UGT1A6: variants seen among roughly 807,000 people sequenced by gnomAD.
UGT1A6 encodes the protein UDP-glucuronosyltransferase 1A6.
Under a neutral mutation model 44.4 loss-of-function variants are expected in UGT1A6, and 32 were observed. That is an observed-to-expected ratio of 0.72 (90% CI 0.54 to 0.97). The LOEUF is 0.97. Ranked by LOEUF, UGT1A6 falls within the 50% of genes least tolerant of loss-of-function variation. The pLI is 0.00. For synonymous variants in UGT1A6, 238 were observed against 248.5 expected (o/e 0.96, Z 0.40); for missense variants, 685 against 661.9 (o/e 1.03, Z -0.38).
chr2:233,710,897 G>C (rs541299321), intron 1 of UGT1A6, among the ~76,000 whole-genome samples: 7 of 152,296 alleles, frequency 4.6e-5, no homozygotes, highest in African/African-American at 1.7e-4. Context: ...TGTAGGTTTG[G>C]GTGGAAAGAG....
Position 233,755,111 on chromosome 2 carries a change from G to A in UGT1A6, c.862-11923G>A, listed in dbSNP as rs41264157. 3,233 of 1,331,410 alleles carry A rather than the reference G, an allele frequency of 2.4e-3. 9 individuals carry two copies. Among genetic ancestry groups the A allele is most frequent in the Non-Finnish European group, 3.0e-3 (2,941 of 989,376 alleles). 82.5% of individuals were successfully genotyped at this position (1,331,410 alleles called of 1,614,324 possible). A position where few individuals can be genotyped will look rare whatever the true frequency, so the allele number is the denominator to read the frequency against. On this transcript the variant is annotated intron_variant, in intron 1 of 4. Coordinates refer to ENST00000305139, the MANE Select transcript of UGT1A6 (RefSeq NM_001072.4). ...GTTTCTACGCGTCCGACAACACCTC[G>A]TAGGCCTCAGCCACCTGCTTGAATC...
At chr2:233,723,587 T>C (rs2077102865) in intron 1 of UGT1A6, among the ~76,000 whole-genome samples, 1 of 113,268 alleles carries the variant, frequency 8.8e-6, no homozygotes, top group Non-Finnish European at 1.8e-5. Context: ...GAGGGGGATT[T>C]GGCAGGGTCA....
At chr2:233,720,316 G>A (rs1418741193) in intron 1 of UGT1A6, among the ~76,000 whole-genome samples, 1 of 152,090 alleles carries the variant, frequency 6.6e-6, no homozygotes, top group Admixed American at 6.5e-5. Context: ...TGTATGATGT[G>A]GGGACATCGT....
chr2:233,756,002 A>C (rs541180678), intron 1 of UGT1A6: 11 of 152,292 alleles, frequency 7.2e-5, no homozygotes, highest in South Asian at 6.2e-4. Context: ...TCTGCATTCT[A>C]TCTATTGTGA....
chr2:233,742,316 T>C lies in UGT1A6; in HGVS notation c.862-24718T>C, dbSNP rs962081179. On this transcript the variant is annotated intron_variant, in intron 1 of 4. Coordinates refer to ENST00000305139, the MANE Select transcript of UGT1A6 (RefSeq NM_001072.4). ...TTATAGATTAACTAAAAGTATTCCT[T>C]ACGGGAAACAAAGGGATGGGCTCTG... Among the ~76,000 whole-genome samples, 12 of 151,968 alleles carry C rather than the reference T, an allele frequency of 7.9e-5. 1 individual carries two copies. Among genetic ancestry groups the C allele is most frequent in the Admixed American group, 3.3e-4 (5 of 15,280 alleles).
intron 1 of UGT1A6, among the ~76,000 whole-genome samples, chr2:233,721,307 T>C (rs1157154346): frequency 1.3e-5 from 2 of 152,202 alleles, no homozygotes; most frequent in Non-Finnish European, 2.9e-5. Flanking sequence ...GAATAGTGAT[T>C]GTGGCTCTTT....
chr2:233,760,501 G>T, intron 1 of UGT1A6: 2 of 1,614,238 alleles, frequency 1.2e-6, no homozygotes, highest in East Asian at 2.2e-5. Context: ...CAGAGACGGA[G>T]CATTTTACAC....
chr2:233,753,747 C>A (rs1162212818), intron 1 of UGT1A6: 2 of 152,344 alleles, frequency 1.3e-5, no homozygotes, highest in African/African-American at 4.8e-5. Context: ...AGCAATAGGA[C>A]AGTTTTGCGT....
intron 1 of UGT1A6, among the ~76,000 whole-genome samples, chr2:233,765,636 G>A (rs1698897187): frequency 6.6e-6 from 1 of 151,630 alleles, no homozygotes; most frequent in Non-Finnish European, 1.5e-5. Context: ...GGAACTTAGA[G>A]GATAGGTCAA....
At chr2:233,738,036 C>T (rs28899194) in intron 1 of UGT1A6, among the ~76,000 whole-genome samples, 5,195 of 152,206 alleles carry the variant, frequency 0.034, 100 homozygotes, top group African/African-American at 0.051. Context: ...ATAATCCCCA[C>T]GTGTTGAGGA....
intron 1 of UGT1A6, among the ~76,000 whole-genome samples, chr2:233,702,928 C>G (rs2075715316): frequency 6.6e-6 from 1 of 152,064 alleles, no homozygotes; most frequent in South Asian, 2.1e-4. Context: ...TCTTGCGGAG[C>G]CTTGGTCTGT....
intron 1 of UGT1A6, among the ~76,000 whole-genome samples, chr2:233,716,657 G>A (rs533610876): frequency 4.6e-5 from 7 of 152,220 alleles, no homozygotes; most frequent in Non-Finnish European, 7.4e-5. Flanking sequence ...TGTACCCTAA[G>A]GAAGCTTTGT....
In UGT1A6 at chr2:233,719,646, A is replaced by C. The variant is rs147342917; in HGVS notation, c.861+25781A>C. The stretch of plus-strand genomic sequence containing the variant: ...GCCGATCATGCCCAACATGGTCTTC[A>C]TTGGGGGCATCAACTGTGCCAACGG... On this transcript the variant is annotated intron_variant, in intron 1 of 4. Transcript: ENST00000305139. 2.8e-3 allele frequency: 4,509 copies of C among 1,613,986 alleles called. 13 individuals carry two copies. Among genetic ancestry groups the C allele is most frequent in the Non-Finnish European group, 3.7e-3 (4,328 of 1,179,976 alleles).
intron 1 of UGT1A6, chr2:233,743,352 C>T (rs987483436): frequency 9.4e-6 from 9 of 961,748 alleles, no homozygotes; most frequent in African/African-American, 1.7e-5. Context: ...TCGACATGGA[C>T]TTGAAGCTGC....
Position 233,760,863 on chromosome 2 carries a change from C to T in UGT1A6, c.862-6171C>T, listed in dbSNP as rs764242339. On this transcript the variant is annotated intron_variant, in intron 1 of 4. Coordinates refer to ENST00000305139, the MANE Select transcript of UGT1A6 (RefSeq NM_001072.4). ...CCCAGTGCCCCAACCCATTCTCCTA[C>T]GTGCCCAGGCCTCTCTCCTCTCATT... The T allele has an allele frequency of 8.1e-6, 13 of 1,614,016 alleles. No homozygotes were observed. Among genetic ancestry groups the T allele is most frequent in the South Asian group, 4.4e-5 (4 of 91,088 alleles).
At chr2:233,734,911 G>C (rs1486210050) in intron 1 of UGT1A6, among the ~76,000 whole-genome samples, 1 of 152,162 alleles carries the variant, frequency 6.6e-6, no homozygotes, top group African/African-American at 2.4e-5. Context: ...TTTTACATTT[G>C]CTAAGGAGTG....
At chr2:233,716,595 T>G (rs185923790) in intron 1 of UGT1A6, among the ~76,000 whole-genome samples, 46 of 152,352 alleles carry the variant, frequency 3.0e-4, no homozygotes, top group African/African-American at 1.1e-3. Context: ...GAGCAAAAAT[T>G]TTAGAATTTG....
intron 1 of UGT1A6, chr2:233,721,605 A>G: frequency 5.6e-6 from 1 of 177,388 alleles, no homozygotes; most frequent in Non-Finnish European, 1.2e-5. Context: ...AGGTTTAGGA[A>G]CAATTTGTTC....
intron 1 of UGT1A6, among the ~76,000 whole-genome samples, chr2:233,703,747 C>A (rs2075751408): frequency 6.6e-6 from 1 of 151,954 alleles, no homozygotes. Context: ...TTTTAAATCT[C>A]AAATGTATCT....
Sources: gnomAD v4.1 joint callset for allele counts (sites outside exome capture counted in the v4.1 genomes callset) on GRCh38, gnomAD v4.1.1 for gene constraint, MANE v1.5 for transcripts, NCBI Gene and HGNC (gene_info 2026-07-23, HGNC 2026-07-21) for gene names.